METTL8: variants seen among roughly 807,000 people sequenced by gnomAD.
METTL8 encodes tRNA N(3)-cytidine methyltransferase METTL8, mitochondrial.
A neutral mutation model predicts 48.7 loss-of-function variants in METTL8; 32 were observed. The ratio of observed to expected loss-of-function variants is 0.66; its 90% confidence interval spans 0.50 to 0.88. METTL8 has a LOEUF of 0.88. Among genes scored for constraint, METTL8 ranks in the 40% least tolerant of loss-of-function variants. The probability of loss-of-function intolerance (pLI) is 0.00; values close to 1 mark genes in which losing one functional copy is unlikely to be tolerated. For missense variants in METTL8, 464 were observed against 474.4 expected (o/e 0.98, Z 0.20); for synonymous variants, 136 against 157.1 (o/e 0.87, Z 1.01).
intron 2 of METTL8, among the ~76,000 whole-genome samples, chr2:171,389,018 A>G (rs1288133399): frequency 6.6e-6 from 1 of 152,178 alleles, no homozygotes; most frequent in Non-Finnish European, 1.5e-5. Context: ...CAAAACAATA[A>G]TGAAATGAGG....
chr2:171,409,434 C>T (rs1027161770), intron 1 of METTL8, among the ~76,000 whole-genome samples: 3 of 152,126 alleles, frequency 2.0e-5, no homozygotes, highest in African/African-American at 7.2e-5. Flanking sequence ...CCTCCCACCT[C>T]CCACTGTCTA....
In METTL8 at chr2:171,421,270, C is replaced by T. The variant is rs527238492; in HGVS notation, c.-13+12613G>A. On this transcript the variant is annotated intron_variant, in intron 1 of 9. Transcript: ENST00000375258. ...TACTAGCAAACATATAGTTAGAAAA[C>T]CTAATTTTAAAATATACTATTTAGC... Among the ~76,000 whole-genome samples, 3 of 152,088 alleles carry T rather than the reference C, an allele frequency of 2.0e-5. No individual in the cohort carries two copies. In the South Asian group the frequency reaches 6.2e-4, roughly 32 times the overall value.
intron 2 of METTL8, among the ~76,000 whole-genome samples, chr2:171,361,613 C>T (rs1685178785): frequency 6.6e-6 from 1 of 151,964 alleles, no homozygotes; most frequent in African/African-American, 2.4e-5. Context: ...TTCAAAAATC[C>T]TTTGATAGGG....
chr2:171,428,631 A>G (rs995058522), intron 1 of METTL8, among the ~76,000 whole-genome samples: 1 of 152,220 alleles, frequency 6.6e-6, no homozygotes, highest in Non-Finnish European at 1.5e-5. Context: ...TTATATTACT[A>G]CTCAGTTTCT....
chr2:171,358,977 G>A lies in METTL8; in HGVS notation c.235+1445C>T, dbSNP rs75352238. Among the ~76,000 whole-genome samples, 288 of 152,018 alleles carry A rather than the reference G, an allele frequency of 1.9e-3. 7 individuals carry two copies. The East Asian group carries it at 0.028, about 15-fold the overall frequency. ...AGGAGCTCAAACAACTCAATAGGAA[G>A]AAAAAGAAAATCAGATTAAAAAATG... On this transcript the variant is annotated intron_variant, in intron 3 of 9. Transcript: ENST00000375258.
At chr2:171,364,495 G>T (rs1341704528) in intron 2 of METTL8, among the ~76,000 whole-genome samples, 1 of 151,936 alleles carries the variant, frequency 6.6e-6, no homozygotes, top group East Asian at 1.9e-4. Context: ...AAAAATAGAA[G>T]ATTTTTGAGT....
chr2:171,329,755 T>C (rs1319866885), intron 7 of METTL8, among the ~76,000 whole-genome samples: 3 of 152,348 alleles, frequency 2.0e-5, no homozygotes, highest in Admixed American at 6.5e-5. Context: ...TCAGTTTCTA[T>C]GGAAAAGGGT....
intron 2 of METTL8, among the ~76,000 whole-genome samples, chr2:171,361,941 T>C (rs895987591): frequency 2.6e-5 from 4 of 151,966 alleles, no homozygotes; most frequent in African/African-American, 9.7e-5. Flanking sequence ...CTGGGGCAAA[T>C]AGGAAGGCTT....
rs138515615 is a variant in METTL8, at chr2:171,319,394, A to C, written c.*4778T>G. On this transcript the variant is annotated 3_prime_UTR_variant, in exon 10 of 10. Transcript: ENST00000375258. ...CTTGTGAGGAGCATAACAAACATCA[A>C]AACCAATTAGAAGTAACAATGTGTG... is the stretch of plus-strand genomic sequence containing the variant. 1.6e-3 allele frequency: 241 copies of C among 152,352 alleles called. 2 individuals are homozygous for C. The highest frequency in any genetic ancestry group is 5.4e-3 in the African/African-American group (226 of 41,584). The allele number at this position is 152,352 out of a possible 1,614,324, so 9.4% of individuals were successfully genotyped here.
intron 1 of METTL8, among the ~76,000 whole-genome samples, chr2:171,411,517 G>C (rs964558170): frequency 3.9e-5 from 6 of 152,138 alleles, no homozygotes; most frequent in African/African-American, 1.4e-4. Context: ...AAACGAGTTA[G>C]AATACATATA....
rs974639030 is a variant in METTL8 at position 171,365,461 on chromosome 2, T to C, written c.144-4948A>G. On this transcript the variant is annotated intron_variant, in intron 2 of 9. Transcript: ENST00000375258. ...AACGAAGAGCTTGTAAACCAATAAATTGGGTGGAGGCCGAGAGCTCAGGGC... is the reference window on the plus strand; with the variant it reads ...AACGAAGAGCTTGTAAACCAATAAACTGGGTGGAGGCCGAGAGCTCAGGGC... Among the ~76,000 whole-genome samples the C allele has an allele frequency of 2.0e-4, 30 of 152,234 alleles. No individual in the cohort carries two copies. The East Asian group carries it at 4.4e-3, about 23-fold the overall frequency.
Position 171,324,083 on chromosome 2 carries a change from T to C in METTL8, c.*89A>G. 2.9e-6 allele frequency: 3 copies of C among 1,048,846 alleles called. No individual in the cohort carries two copies. The allele number at this position is 1,048,846 out of a possible 1,614,324, so 65.0% of individuals were successfully genotyped here. A position where few individuals can be genotyped will look rare whatever the true frequency, so the allele number is the denominator to read the frequency against. On this transcript the variant is annotated 3_prime_UTR_variant, in exon 10 of 10. Transcript: ENST00000375258. Reference sequence around the variant, plus strand: ...CAGGAAATACAAATTCTCTTCTTTTTTTCTCATTGTCTTTTGAGAAACAAT... The same window carrying C: ...CAGGAAATACAAATTCTCTTCTTTTCTTCTCATTGTCTTTTGAGAAACAAT...
At chr2:171,397,352 T>TA (rs71013039) in intron 1 of METTL8, among the ~76,000 whole-genome samples, 4,199 of 11,684 alleles carry the variant, frequency 0.36, 1,654 homozygotes, top group Non-Finnish European at 0.48. Flanking sequence ...ACCCTGTCTC[T>TA]AAAAAAAAAA....
chr2:171,372,326 A>C (rs1410587769), intron 2 of METTL8, among the ~76,000 whole-genome samples: 3 of 152,060 alleles, frequency 2.0e-5, no homozygotes, highest in African/African-American at 7.2e-5. Context: ...CAATGCATAT[A>C]AAATATAGTT....
intron 1 of METTL8, among the ~76,000 whole-genome samples, chr2:171,428,250 T>C (rs1380543925): frequency 1.3e-5 from 2 of 152,222 alleles, no homozygotes; most frequent in African/African-American, 4.8e-5. Context: ...ACTTCATAGG[T>C]AGAAGTCTTA....
At chr2:171,391,612 T>C (rs541185128) in intron 2 of METTL8, among the ~76,000 whole-genome samples, 5 of 152,338 alleles carry the variant, frequency 3.3e-5, no homozygotes, top group South Asian at 2.1e-4. Flanking sequence ...CCTGAAAGCA[T>C]AGACGAGAAT....
Position 171,427,717 on chromosome 2 carries a change from C to T in METTL8, c.-13+6166G>A, listed in dbSNP as rs140084003. The stretch of plus-strand genomic sequence containing the variant: ...AGCAGGGTGTTCAACCACCCTCCAG[C>T]ACATCACCCTGTTTTATTTTCTTCA... On this transcript the variant is annotated intron_variant, in intron 1 of 9. Transcript: ENST00000375258. 3.0e-3 allele frequency among the ~76,000 whole-genome samples: 454 copies of T among 152,312 alleles called. 1 individual carries two copies. The highest frequency in any genetic ancestry group is 4.4e-3 in the Non-Finnish European group (296 of 68,016).
At chr2:171,416,633 C>T (rs1343489337) in intron 1 of METTL8, among the ~76,000 whole-genome samples, 1 of 152,218 alleles carries the variant, frequency 6.6e-6, no homozygotes, top group Non-Finnish European at 1.5e-5. Flanking sequence ...TCTAACAGAT[C>T]TTATTTGTAC....
At position 171,324,372 on chromosome 2, in the gene METTL8, A is replaced by C; in HGVS notation, c.1034-10T>G. The C allele has an allele frequency of 3.2e-6, 5 of 1,549,762 alleles. No homozygotes were observed. The highest frequency in any genetic ancestry group is 4.4e-6 in the Non-Finnish European group (5 of 1,146,222). ...ATACTGTGGACTTCCCCTGTGAGAC[A>C]AAAATGGCAATAAAAGATATGACAT... On this transcript the variant is annotated splice_polypyrimidine_tract_variant and intron_variant, in intron 9 of 9. Coordinates refer to ENST00000375258, the MANE Select transcript of METTL8 (RefSeq NM_001321154.2).
Sources: gnomAD v4.1 joint callset for allele counts (sites outside exome capture counted in the v4.1 genomes callset) on GRCh38, gnomAD v4.1.1 for gene constraint, MANE v1.5 for transcripts, NCBI Gene and HGNC (gene_info 2026-07-23, HGNC 2026-07-21) for gene names.